The following HMGCLL1 variants were observed in gnomAD, a reference collection of about 807,000 sequenced individuals.
HMGCLL1 encodes 3-hydroxy-3-methylglutaryl-CoA lyase like 1.
HMGCLL1 carries 36 observed loss-of-function variants against 39.1 expected under a neutral mutation model. The observed-to-expected ratio is 0.92, with a 90% confidence interval of 0.71 to 1.22. The LOEUF (loss-of-function observed/expected upper bound fraction) is 1.22. Among genes scored for constraint, HMGCLL1 ranks in the 50% most tolerant of loss-of-function variants. HMGCLL1 has a pLI of 0.00. For synonymous variants in HMGCLL1, 149 were observed against 144.0 expected, an observed-to-expected ratio of 1.03 and a Z score of -0.25; for missense variants, 451 against 416.5, an observed-to-expected ratio of 1.08 and a Z score of -0.72.
At chr6:55,436,201 T>C (rs1763367185) in intron 8 of HMGCLL1, among the ~76,000 whole-genome samples, 1 of 151,876 alleles carries the variant, frequency 6.6e-6, no homozygotes, top group South Asian at 2.1e-4. Context: ...GAAAAAGCCA[T>C]AAGGATTACA....
chr6:55,487,637 T>C (rs1766101318), intron 7 of HMGCLL1, among the ~76,000 whole-genome samples: 1 of 152,076 alleles, frequency 6.6e-6, no homozygotes, highest in Non-Finnish European at 1.5e-5. Flanking sequence ...CATGCTTTTT[T>C]ATGGCTGCAT....
chr6:55,514,896 A>T (rs1767654658), intron 4 of HMGCLL1, among the ~76,000 whole-genome samples: 2 of 152,008 alleles, frequency 1.3e-5, no homozygotes. Context: ...GATGTTTAAG[A>T]CCTTCTGTTA....
the HMGCLL1 span, among the ~76,000 whole-genome samples, chr6:55,657,319 T>C: frequency 1.3e-5 from 2 of 152,006 alleles, no homozygotes; most frequent in Non-Finnish European, 2.9e-5. Context: ...TCTTCTAGGG[T>C]TTATATAGTT....
the HMGCLL1 span, among the ~76,000 whole-genome samples, chr6:55,653,390 G>GA: frequency 3.3e-5 from 5 of 151,668 alleles, no homozygotes; most frequent in Admixed American, 6.6e-5. Context: ...CCTAGAACAG[G>GA]AAAAAAATTG....
intron 1 of HMGCLL1, among the ~76,000 whole-genome samples, chr6:55,572,820 T>C (rs1050668408): frequency 6.6e-6 from 1 of 152,208 alleles, no homozygotes; most frequent in African/African-American, 2.4e-5. Flanking sequence ...ACAATGACTA[T>C]ATTAGTTGGA....
At chr6:55,583,408 A>G (rs1378908401), upstream of HMGCLL1, among the ~76,000 whole-genome samples, 1 of 148,492 alleles carries the variant, frequency 6.7e-6, no homozygotes, top group Non-Finnish European at 1.5e-5. Flanking sequence ...GTGTGTTCTC[A>G]TTGTTCAATT....
intron 1 of HMGCLL1, among the ~76,000 whole-genome samples, chr6:55,554,260 C>T (rs1002152178): frequency 1.3e-5 from 2 of 152,126 alleles, no homozygotes; most frequent in Non-Finnish European, 2.9e-5. Context: ...AAAGTCCTAT[C>T]TTCTTCACAA....
chr6:55,530,266 T>C (rs1480430928), intron 3 of HMGCLL1, among the ~76,000 whole-genome samples: 1 of 152,154 alleles, frequency 6.6e-6, no homozygotes. Flanking sequence ...GTTATTAGCA[T>C]GAATTTGCTT....
the HMGCLL1 span, among the ~76,000 whole-genome samples, chr6:55,656,823 G>A: frequency 6.6e-6 from 1 of 151,918 alleles, no homozygotes; most frequent in African/African-American, 2.4e-5. Context: ...TTGAGACAAG[G>A]ACTAGAGGGC....
the HMGCLL1 span, among the ~76,000 whole-genome samples, chr6:55,588,238 G>T: frequency 6.6e-6 from 1 of 152,086 alleles, no homozygotes; most frequent in African/African-American, 2.4e-5. Context: ...CCAGAACTCA[G>T]GATGAAGAAA....
At chr6:55,607,993 T>C in the HMGCLL1 span, among the ~76,000 whole-genome samples, 1 of 152,186 alleles carries the variant, frequency 6.6e-6, no homozygotes, top group Admixed American at 6.5e-5. Flanking sequence ...AAAAAATAAA[T>C]ACTTCTGCTC....
intron 7 of HMGCLL1, among the ~76,000 whole-genome samples, chr6:55,463,965 G>A (rs780887281): frequency 3.9e-5 from 6 of 152,088 alleles, no homozygotes; most frequent in South Asian, 4.1e-4. Context: ...ACCACCCAAC[G>A]CTTTAGACTG....
chr6:55,553,548 T>G (rs1376461036), intron 1 of HMGCLL1, among the ~76,000 whole-genome samples: 3 of 152,058 alleles, frequency 2.0e-5, no homozygotes, highest in Non-Finnish European at 4.4e-5. Flanking sequence ...GAGAAAATAA[T>G]GTAGTCTTCC....
chr6:55,650,757 A>T, the HMGCLL1 span, among the ~76,000 whole-genome samples: 2 of 152,034 alleles, frequency 1.3e-5, no homozygotes, highest in African/African-American at 4.8e-5. Context: ...CCACTATACA[A>T]AGTTTTCCTT....
At chr6:55,613,521 A>C in the HMGCLL1 span, among the ~76,000 whole-genome samples, 1 of 152,186 alleles carries the variant, frequency 6.6e-6, no homozygotes, top group Admixed American at 6.5e-5. Flanking sequence ...ACTATTCTCA[A>C]TAGCAAAGAC....
chr6:55,541,601 C>T (rs9367638), intron 3 of HMGCLL1, 128 bp downstream of exon 3: 252,660 of 584,716 alleles, frequency 0.43, 57,506 homozygotes, highest in East Asian at 0.53. Context: ...ATATCACAGT[C>T]CACAGGTTAA....
At chr6:55,548,146 A>C (rs112983532) in intron 1 of HMGCLL1, among the ~76,000 whole-genome samples, 1 of 152,070 alleles carries the variant, frequency 6.6e-6, no homozygotes, top group African/African-American at 2.4e-5. Flanking sequence ...AACTTACTAC[A>C]TCAAAAAGTA....
the HMGCLL1 span, among the ~76,000 whole-genome samples, chr6:55,620,751 A>C: frequency 6.6e-6 from 1 of 152,058 alleles, no homozygotes; most frequent in African/African-American, 2.4e-5. Flanking sequence ...TCTCAGATTT[A>C]AATTTTTAAT....
chr6:55,473,121 A>T (rs753287233), intron 7 of HMGCLL1, among the ~76,000 whole-genome samples: 13 of 151,286 alleles, frequency 8.6e-5, no homozygotes, highest in Non-Finnish European at 1.8e-4. Context: ...TTTACTTTTA[A>T]CATACCTGAG....
Sources: allele counts gnomAD v4.1 joint callset (sites outside exome capture counted in the v4.1 genomes callset), GRCh38; gene constraint gnomAD v4.1.1; transcripts MANE v1.5; gene names NCBI Gene and HGNC (gene_info 2026-07-23, HGNC 2026-07-21).